SCARA3: variants seen among roughly 807,000 people sequenced by gnomAD.
The protein encoded by SCARA3 is cellular stress response gene protein.
SCARA3 carries 39 observed loss-of-function variants against 47.0 expected under a neutral mutation model. The ratio of observed to expected loss-of-function variants is 0.83; its 90% confidence interval spans 0.64 to 1.08. The LOEUF is 1.08. Ranked by LOEUF, SCARA3 falls within the 50% of genes least tolerant of loss-of-function variation. The pLI, the probability that SCARA3 is intolerant of heterozygous loss-of-function variation, is 0.00. For synonymous variants in SCARA3, 356 were observed against 334.1 expected (o/e 1.07, Z -0.71); for missense variants, 724 against 792.3 (o/e 0.91, Z 1.04).
At chr8:27,657,379 C>T (rs1050412876) in intron 4 of SCARA3, among the ~76,000 whole-genome samples, 5 of 149,814 alleles carry the variant, frequency 3.3e-5, no homozygotes, top group South Asian at 2.1e-4. Context: ...GGTTATATTG[C>T]GTGACACTGA....
At chr8:27,660,762 G>C (rs1467443048) in intron 5 of SCARA3, among the ~76,000 whole-genome samples, 1 of 151,490 alleles carries the variant, frequency 6.6e-6, no homozygotes, top group East Asian at 1.9e-4. Flanking sequence ...CAATAATGGA[G>C]AGAGAGAGAG....
At chr8:27,661,941 T>C (rs190940373) in intron 5 of SCARA3, among the ~76,000 whole-genome samples, 341 of 152,306 alleles carry the variant, frequency 2.2e-3, no homozygotes, top group African/African-American at 8.0e-3. Flanking sequence ...GCAGTCCAAT[T>C]TCCCCTTGGC....
chr8:27,633,488 A>G (rs1204570970), upstream of SCARA3, among the ~76,000 whole-genome samples: 1 of 133,526 alleles, frequency 7.5e-6, no homozygotes, highest in Non-Finnish European at 1.7e-5. Flanking sequence ...CCTCGACATC[A>G]TAAGATGGGC....
In SCARA3 at chr8:27,661,512, A is replaced by G. The variant is rs954855114; in HGVS notation, c.1369+1973A>G. On this transcript the variant is annotated intron_variant, in intron 5 of 5. Coordinates refer to ENST00000301904, the MANE Select transcript of SCARA3 (RefSeq NM_016240.3). Reference sequence around the variant, plus strand: ...AAGGGAATAAGAGAAGACAGAAAACAAAATTGTTGGCTATACACACACACA... The same window carrying G: ...AAGGGAATAAGAGAAGACAGAAAACGAAATTGTTGGCTATACACACACACA... 3.3e-5 allele frequency among the ~76,000 whole-genome samples: 5 copies of G among 152,358 alleles called. No homozygotes were observed. In the East Asian group the frequency reaches 9.6e-4, roughly 29 times the overall value.
the SCARA3 span, among the ~76,000 whole-genome samples, chr8:27,718,318 A>G: frequency 6.6e-6 from 1 of 152,260 alleles, no homozygotes; most frequent in Non-Finnish European, 1.5e-5. Flanking sequence ...GAAAGTTATT[A>G]ACTGGGTGCT....
the SCARA3 span, among the ~76,000 whole-genome samples, chr8:27,731,979 C>A: frequency 6.6e-6 from 1 of 152,202 alleles, no homozygotes; most frequent in Non-Finnish European, 1.5e-5. Context: ...CAAAAAGCTT[C>A]AAGTCTGACA....
At chr8:27,694,713 G>C in the SCARA3 span, among the ~76,000 whole-genome samples, 2 of 152,140 alleles carry the variant, frequency 1.3e-5, no homozygotes, top group South Asian at 4.1e-4. Context: ...GGTGGTTTAT[G>C]ACCTAATTTG....
chr8:27,671,251 G>A lies in SCARA3; in HGVS notation c.1721G>A (p.Gly574Asp). 1 of 1,490,254 alleles carries A rather than the reference G, an allele frequency of 6.7e-7. No homozygotes were observed. The allele number at this position is 1,490,254 out of a possible 1,614,324, so 92.3% of individuals were successfully genotyped here. ...ATTGCAGGGAAGACAGGGTCACCAG[G>A]CCAGCGGGGGGCCATGGGGCCTAAG... ...PGIAGKTGSPGQRGAMGPKGE... is the reference protein window; with the variant it reads ...PGIAGKTGSPDQRGAMGPKGE... The change falls in exon 6 of 6, where the codon GGC becomes GAC. Residue 574 changes from glycine (G) to aspartate (D), a missense_variant. Gly to Asp is a moderately conservative substitution (Grantham distance 94). Transcript: ENST00000301904.
chr8:27,716,647 G>A, the SCARA3 span, among the ~76,000 whole-genome samples: 2 of 152,148 alleles, frequency 1.3e-5, no homozygotes, highest in Non-Finnish European at 2.9e-5. Flanking sequence ...GAATGGTAAA[G>A]TTAAAAAGAC....
chr8:27,718,111 C>G, the SCARA3 span, among the ~76,000 whole-genome samples: 1 of 152,216 alleles, frequency 6.6e-6, no homozygotes, highest in Non-Finnish European at 1.5e-5. Flanking sequence ...CCAGACTCTG[C>G]CCAGAATGCT....
the SCARA3 span, among the ~76,000 whole-genome samples, chr8:27,717,678 G>A: frequency 1.7e-4 from 26 of 152,120 alleles, no homozygotes; most frequent in African/African-American, 5.8e-4. Context: ...CCAGCTACTC[G>A]GGAGGCTGAG....
chr8:27,671,197 G>A lies in SCARA3; in HGVS notation c.1667G>A (p.Gly556Glu), dbSNP rs1477705920. ...CCAGAAGGGCCCCCGGGGTCTCCAG[G>A]GCCCTCAGGGCCTCAGGGAAAACCG... ...PGPEGPPGSP[G>E]PSGPQGKPGI... The change falls in exon 6 of 6, where the codon GGG becomes GAG. Residue 556 changes from glycine to glutamate, a missense_variant. Transcript: ENST00000301904. 5.3e-6 allele frequency: 8 copies of A among 1,508,824 alleles called. No individual in the cohort carries two copies. Among genetic ancestry groups the A allele is most frequent in the Non-Finnish European group, 7.1e-6 (8 of 1,134,344 alleles). 93.5% of individuals were successfully genotyped at this position (1,508,824 alleles called of 1,614,324 possible). A position where few individuals can be genotyped will look rare whatever the true frequency, so the allele number is the denominator to read the frequency against.
At chr8:27,667,829 C>T (rs574637539) in intron 5 of SCARA3, among the ~76,000 whole-genome samples, 227 of 152,272 alleles carry the variant, frequency 1.5e-3, no homozygotes, top group Non-Finnish European at 2.2e-3. Flanking sequence ...AGGCTTCTGT[C>T]GGCACCACAG....
chr8:27,646,965 C>CGGGGGGGGGGGGGGG, intron 1 of SCARA3, among the ~76,000 whole-genome samples: 1 of 48,378 alleles, frequency 2.1e-5, no homozygotes, highest in African/African-American at 7.0e-5. Context: ...CACCCCTGAC[C>CGGGGGGGGGGGGGGG]GCCCCCGCCC....
intron 5 of SCARA3, among the ~76,000 whole-genome samples, chr8:27,661,090 C>A (rs1054981060): frequency 1.2e-4 from 19 of 152,046 alleles, no homozygotes; most frequent in African/African-American, 4.6e-4. Flanking sequence ...CCAGGGAGGG[C>A]AATCTGCTTG....
In SCARA3 at chr8:27,660,532, GAGATAGAT is replaced by G. The variant is rs11374289; in HGVS notation, c.1369+1015_1369+1022del. On this transcript the variant is annotated intron_variant, in intron 5 of 5. Coordinates refer to ENST00000301904, the MANE Select transcript of SCARA3 (RefSeq NM_016240.3). ...AGGATAGAGATAAAGAGATAGAGATGAGATAGATAGATAGATAGATAGATAGATAATAG... is the reference window on the plus strand; with the variant it reads ...AGGATAGAGATAAAGAGATAGAGATGAGATAGATAGATAGATAGATAATAG... Among the ~76,000 whole-genome samples, 308 of 147,692 alleles carry G rather than the reference GAGATAGAT, an allele frequency of 2.1e-3. 1 individual carries two copies. The highest frequency in any genetic ancestry group is 2.9e-3 in the African/African-American group (112 of 39,016).
the SCARA3 span, among the ~76,000 whole-genome samples, chr8:27,707,303 T>C: frequency 6.6e-6 from 1 of 152,194 alleles, no homozygotes; most frequent in Non-Finnish European, 1.5e-5. Flanking sequence ...TCTTCCCTGT[T>C]ACCCCAAAGT....
In SCARA3 at chr8:27,671,465, G is replaced by A. The variant is rs1203298048; in HGVS notation, c.*114G>A. On this transcript the variant is annotated 3_prime_UTR_variant, in exon 6 of 6. Coordinates refer to ENST00000301904, the MANE Select transcript of SCARA3 (RefSeq NM_016240.3). ...TGTGGTCCTCTGATTCCAATGAGGG[G>A]GCTCCCCAGGGCTGACCCTGCAGCT... 77 of 1,312,556 alleles carry A rather than the reference G, an allele frequency of 5.9e-5. No individual in the cohort carries two copies. Among genetic ancestry groups the A allele is most frequent in the Non-Finnish European group, 7.0e-5 (73 of 1,036,454 alleles). 81.3% of individuals were successfully genotyped at this position (1,312,556 alleles called of 1,614,324 possible). A position where few individuals can be genotyped will look rare whatever the true frequency, so the allele number is the denominator to read the frequency against.
the SCARA3 span, among the ~76,000 whole-genome samples, chr8:27,698,480 T>C: frequency 6.6e-6 from 1 of 152,110 alleles, no homozygotes; most frequent in Non-Finnish European, 1.5e-5. Context: ...AAGGATCTCA[T>C]CTCCCAACAC....
Sources: gnomAD v4.1 joint callset for allele counts (sites outside exome capture counted in the v4.1 genomes callset) on GRCh38, gnomAD v4.1.1 for gene constraint, MANE v1.5 for transcripts, NCBI Gene and HGNC (gene_info 2026-07-23, HGNC 2026-07-21) for gene names.